MDFIC2: variants seen among roughly 807,000 people sequenced by gnomAD.
The protein encoded by MDFIC2 is MyoD family inhibitor domain containing 2, also known as myoD family inhibitor domain-containing protein 2.
chr3:70,258,175 A>G (rs1423042476), intron 2 of MDFIC2, among the ~76,000 whole-genome samples: 1 of 152,182 alleles, frequency 6.6e-6, no homozygotes, highest in East Asian at 1.9e-4. Flanking sequence ...GGCAAAAACT[A>G]TCATGTTCTA....
At chr3:70,267,107 G>C (rs75531531) in intron 2 of MDFIC2, among the ~76,000 whole-genome samples, 11 of 152,062 alleles carry the variant, frequency 7.2e-5, no homozygotes, top group Non-Finnish European at 1.6e-4. Flanking sequence ...AGCTGGGGAG[G>C]GGGTGGGAAG....
intron 2 of MDFIC2, among the ~76,000 whole-genome samples, chr3:70,252,937 G>A (rs542095163): frequency 3.3e-5 from 5 of 151,840 alleles, no homozygotes; most frequent in Admixed American, 6.6e-5. Context: ...AAAATTAGCC[G>A]GCTGTGGTGG....
chr3:70,246,528 G>A (rs987931217), intron 2 of MDFIC2, among the ~76,000 whole-genome samples: 1 of 152,032 alleles, frequency 6.6e-6, no homozygotes, highest in Non-Finnish European at 1.5e-5. Context: ...AGAAACACGA[G>A]ATGCACAATT....
At chr3:70,278,812 T>G (rs1354283560) in intron 2 of MDFIC2, among the ~76,000 whole-genome samples, 1 of 152,002 alleles carries the variant, frequency 6.6e-6, no homozygotes, top group Non-Finnish European at 1.5e-5. Flanking sequence ...ATGCCTCAGA[T>G]TCTTCTTCTA....
intron 2 of MDFIC2, among the ~76,000 whole-genome samples, chr3:70,226,604 G>T (rs1388142063): frequency 6.6e-6 from 1 of 151,982 alleles, no homozygotes; most frequent in African/African-American, 2.4e-5. Flanking sequence ...CAGGCATGGT[G>T]GCGGGTGCCT....
intron 3 of MDFIC2, among the ~76,000 whole-genome samples, chr3:70,203,490 A>G (rs1007136970): frequency 4.6e-5 from 7 of 152,140 alleles, no homozygotes; most frequent in Non-Finnish European, 7.4e-5. Flanking sequence ...GACAAGCACA[A>G]CTAACACTCA....
At chr3:70,311,121 T>G (rs913922669) in intron 2 of MDFIC2, among the ~76,000 whole-genome samples, 1 of 152,200 alleles carries the variant, frequency 6.6e-6, no homozygotes, top group African/African-American at 2.4e-5. Context: ...TCCTACAACC[T>G]TATAAAGCAA....
intron 3 of MDFIC2, among the ~76,000 whole-genome samples, chr3:70,201,772 C>A (rs1247732668): frequency 6.6e-6 from 1 of 152,170 alleles, no homozygotes; most frequent in Non-Finnish European, 1.5e-5. Context: ...GGCCTGCTTC[C>A]CTCTCCATTC....
intron 2 of MDFIC2, among the ~76,000 whole-genome samples, chr3:70,255,706 A>G (rs1701809384): frequency 6.6e-6 from 1 of 152,026 alleles, no homozygotes; most frequent in South Asian, 2.1e-4. Context: ...TATTCCCTCA[A>G]CTTTGGCCTC....
At chr3:70,290,731 C>G (rs1444885933) in intron 2 of MDFIC2, among the ~76,000 whole-genome samples, 1 of 152,166 alleles carries the variant, frequency 6.6e-6, no homozygotes, top group East Asian at 1.9e-4. Context: ...GCGTAGGACC[C>G]TCCGAGCCAG....
rs537586728 is a variant in MDFIC2 at position 70,194,634 on chromosome 3, G to A, written c.*2292C>T. On this transcript the variant is annotated 3_prime_UTR_variant, in exon 4 of 4. Coordinates refer to ENST00000567252, the MANE Select transcript of MDFIC2 (RefSeq NM_001364677.1). ...AGCAAGGCCACAGAAAGATCTTGTA[G>A]TGTTCTGACCACATTACCACATAAG... Among the ~76,000 whole-genome samples, 1 of 152,318 alleles carries A rather than the reference G, an allele frequency of 6.6e-6. No homozygotes were observed. Among genetic ancestry groups the A allele is most frequent in the South Asian group, 2.1e-4 (1 of 4,816 alleles).
intron 2 of MDFIC2, among the ~76,000 whole-genome samples, chr3:70,218,539 G>A (rs752765288): frequency 2.6e-5 from 4 of 152,172 alleles, no homozygotes; most frequent in East Asian, 3.9e-4. Flanking sequence ...TTGCTGGAAC[G>A]TTTACAGCCA....
intron 2 of MDFIC2, among the ~76,000 whole-genome samples, chr3:70,302,010 T>C (rs1037975944): frequency 3.3e-5 from 5 of 152,096 alleles, no homozygotes; most frequent in African/African-American, 7.2e-5. Context: ...CAGATCCATA[T>C]TGGTGTGGAA....
intron 2 of MDFIC2, among the ~76,000 whole-genome samples, chr3:70,292,648 C>A (rs1394734073): frequency 6.6e-6 from 1 of 151,904 alleles, no homozygotes; most frequent in African/African-American, 2.4e-5. Context: ...ATTTAAACTC[C>A]CTAATGATTG....
intron 2 of MDFIC2, among the ~76,000 whole-genome samples, chr3:70,218,260 G>T (rs2106734727): frequency 6.6e-6 from 1 of 152,238 alleles, no homozygotes; most frequent in Non-Finnish European, 1.5e-5. Context: ...AACTATTTCT[G>T]CATGTTTTAT....
At chr3:70,309,444 A>T (rs1027452385) in intron 2 of MDFIC2, among the ~76,000 whole-genome samples, 2 of 152,346 alleles carry the variant, frequency 1.3e-5, no homozygotes, top group South Asian at 4.1e-4. Context: ...AAAGAGGGAA[A>T]AAAACAGAGA....
At chr3:70,286,299 C>A (rs1484302157) in intron 2 of MDFIC2, among the ~76,000 whole-genome samples, 1 of 152,092 alleles carries the variant, frequency 6.6e-6, no homozygotes, top group Non-Finnish European at 1.5e-5. Context: ...TTCCCAGCAC[C>A]GTTTATTAAA....
At chr3:70,275,326 T>G (rs1259055252) in intron 2 of MDFIC2, among the ~76,000 whole-genome samples, 1 of 152,012 alleles carries the variant, frequency 6.6e-6, no homozygotes, top group Non-Finnish European at 1.5e-5. Context: ...CCAGGCAACA[T>G]AGTAAGACCT....
chr3:70,302,132 C>G (rs138778589), intron 2 of MDFIC2, among the ~76,000 whole-genome samples: 33 of 152,158 alleles, frequency 2.2e-4, no homozygotes, highest in African/African-American at 7.7e-4. Flanking sequence ...CTGTCATTGC[C>G]CTTGCTTTTC....
Sources: allele counts gnomAD v4.1 joint callset (sites outside exome capture counted in the v4.1 genomes callset), GRCh38; gene constraint gnomAD v4.1.1; transcripts MANE v1.5; gene names NCBI Gene and HGNC (gene_info 2026-07-23, HGNC 2026-07-21).